The following NOVA1 variants were observed in gnomAD, a reference collection of about 807,000 sequenced individuals.
NOVA1 encodes the protein RNA-binding protein Nova-1.
Under a neutral mutation model 38.0 loss-of-function variants are expected in NOVA1, and 7 were observed. The observed-to-expected ratio is 0.18, with a 90% CI of 0.10 to 0.35. The LOEUF (loss-of-function observed/expected upper bound fraction) is 0.35. Ranked by LOEUF, NOVA1 falls within the 10% of genes least tolerant of loss-of-function variation. NOVA1 has a pLI of 1.00. For missense variants in NOVA1, 460 were observed against 616.0 expected, an observed-to-expected ratio of 0.75 and a Z score of 2.68; for synonymous variants, 270 against 232.5, an observed-to-expected ratio of 1.16 and a Z score of -1.47.
chr14:26,540,321 G>A (rs896429678), intron 2 of NOVA1, among the ~76,000 whole-genome samples: 8 of 152,226 alleles, frequency 5.3e-5, no homozygotes, highest in South Asian at 2.1e-4. Context: ...TCTAGGCTGC[G>A]TGCTTCCCAT....
intron 2 of NOVA1, among the ~76,000 whole-genome samples, chr14:26,530,053 G>A (rs1012647968): frequency 1.7e-4 from 26 of 152,096 alleles, no homozygotes; most frequent in Non-Finnish European, 2.9e-5. Flanking sequence ...CCGAGTAGCT[G>A]GGACTACAAG....
intron 2 of NOVA1, among the ~76,000 whole-genome samples, chr14:26,517,086 T>C (rs893005473): frequency 3.3e-5 from 5 of 152,068 alleles, no homozygotes. Flanking sequence ...TTTGTATTTT[T>C]AGTAGAGACG....
chr14:26,556,604 T>C (rs887195232), intron 2 of NOVA1, among the ~76,000 whole-genome samples: 5 of 152,164 alleles, frequency 3.3e-5, no homozygotes, highest in Non-Finnish European at 7.3e-5. Context: ...ATAATGATGT[T>C]TTAGATACAC....
In NOVA1 at chr14:26,524,163, C is replaced by A. The variant is rs796791485; in HGVS notation, c.281-44020G>T. 1.8e-4 allele frequency among the ~76,000 whole-genome samples: 27 copies of A among 152,228 alleles called. 1 individual carries two copies. Among genetic ancestry groups the A allele is most frequent in the African/African-American group, 6.5e-4 (27 of 41,528 alleles). ...CAACCCCTGTGTTTGAGTATGGATACAACTAATTACCCCAAAAATAACGAA... is the reference window on the plus strand; with the variant it reads ...CAACCCCTGTGTTTGAGTATGGATAAAACTAATTACCCCAAAAATAACGAA... On this transcript the variant is annotated intron_variant, in intron 2 of 4. Coordinates refer to ENST00000539517, the MANE Select transcript of NOVA1 (RefSeq NM_002515.3).
At chr14:26,479,742 C>T in intron 3 of NOVA1, 1 of 409,574 alleles carries the variant, frequency 2.4e-6, no homozygotes, top group Non-Finnish European at 4.3e-6. Flanking sequence ...CACTAAGAGT[C>T]ACATAAGTGC....
Position 26,447,758 on chromosome 14 carries a change from A to G in NOVA1, c.*201T>C. 1 of 596,928 alleles carries G rather than the reference A, an allele frequency of 1.7e-6. No individual in the cohort carries two copies. The highest frequency in any genetic ancestry group is 3.0e-6 in the Non-Finnish European group (1 of 336,068). 37.0% of individuals were successfully genotyped at this position (596,928 alleles called of 1,614,324 possible). ...ACACAAGCAAAGTATAGAGAACAAA[A>G]CAGATCAAGAAAAAATTCTTTCTAT... On this transcript the variant is annotated 3_prime_UTR_variant, in exon 5 of 5. Coordinates refer to ENST00000539517, the MANE Select transcript of NOVA1 (RefSeq NM_002515.3).
intron 2 of NOVA1, among the ~76,000 whole-genome samples, chr14:26,516,516 A>C (rs986558633): frequency 2.0e-5 from 3 of 152,248 alleles, no homozygotes; most frequent in Non-Finnish European, 4.4e-5. Context: ...TAGATCTGCA[A>C]TCCATCTGTG....
chr14:26,560,700 C>T (rs950818309), intron 2 of NOVA1, among the ~76,000 whole-genome samples: 2 of 152,078 alleles, frequency 1.3e-5, no homozygotes, highest in Non-Finnish European at 2.9e-5. Flanking sequence ...AACATATATA[C>T]ATACCATACA....
At chr14:26,481,751 T>C (rs1251345149) in intron 2 of NOVA1, among the ~76,000 whole-genome samples, 1 of 152,016 alleles carries the variant, frequency 6.6e-6, no homozygotes, top group Non-Finnish European at 1.5e-5. Context: ...ATACATATTG[T>C]GGTTCCTGCA....
chr14:26,519,334 G>GT (rs1888704058), intron 2 of NOVA1: 1 of 152,162 alleles, frequency 6.6e-6, no homozygotes, highest in African/African-American at 2.4e-5. Flanking sequence ...AATGGGAAAG[G>GT]TGAGTATGTA....
At chr14:26,489,240 T>C (rs953291784) in intron 2 of NOVA1, among the ~76,000 whole-genome samples, 3 of 152,152 alleles carry the variant, frequency 2.0e-5, no homozygotes, top group Non-Finnish European at 2.9e-5. Context: ...ATAGAGTTTA[T>C]AGAATGATCC....
chr14:26,484,428 G>GAAAA (rs869087238), intron 2 of NOVA1, among the ~76,000 whole-genome samples: 2 of 56,436 alleles, frequency 3.5e-5, no homozygotes, highest in Admixed American at 3.5e-4. Flanking sequence ...ACTCCGTCTC[G>GAAAA]AAAAAAAAAA....
intron 2 of NOVA1, among the ~76,000 whole-genome samples, chr14:26,483,866 G>T (rs1267569220): frequency 6.6e-6 from 1 of 152,046 alleles, no homozygotes; most frequent in African/African-American, 2.4e-5. Flanking sequence ...AATTTGGTTG[G>T]GTCCCAAATT....
chr14:26,574,285 CCT>C (rs1566550313), intron 2 of NOVA1, among the ~76,000 whole-genome samples: 1 of 121,458 alleles, frequency 8.2e-6, no homozygotes, highest in East Asian at 2.9e-4. Flanking sequence ...CCCCCCGCCC[CCT>C]CGGCCTCCCA....
At chr14:26,461,989 T>C (rs917449015) in intron 4 of NOVA1, among the ~76,000 whole-genome samples, 13 of 152,034 alleles carry the variant, frequency 8.6e-5, no homozygotes, top group African/African-American at 2.9e-4. Flanking sequence ...GTAATCTGCA[T>C]ATAAAAATCT....
At chr14:26,489,659 T>C (rs1886180527) in intron 2 of NOVA1, among the ~76,000 whole-genome samples, 1 of 151,940 alleles carries the variant, frequency 6.6e-6, no homozygotes, top group Admixed American at 6.6e-5. Flanking sequence ...GTCTACACAG[T>C]GAGAACTCCA....
intron 2 of NOVA1, among the ~76,000 whole-genome samples, chr14:26,551,289 A>G (rs1402872132): frequency 1.3e-5 from 2 of 152,018 alleles, no homozygotes; most frequent in African/African-American, 4.8e-5. Flanking sequence ...ACTTGAAGGG[A>G]TAGTCCAACT....
chr14:26,535,973 C>T (rs1334657962), intron 2 of NOVA1, among the ~76,000 whole-genome samples: 6 of 138,142 alleles, frequency 4.3e-5, no homozygotes, highest in Admixed American at 7.7e-5. Flanking sequence ...AGCGAGACTC[C>T]GTCTCAAAAA....
At chr14:26,569,161 C>A (rs559479883) in intron 2 of NOVA1, among the ~76,000 whole-genome samples, 1 of 152,162 alleles carries the variant, frequency 6.6e-6, no homozygotes, top group Admixed American at 6.5e-5. Context: ...AGAAACAACA[C>A]AGAGCAGAAC....
Sources: allele counts gnomAD v4.1 joint callset (sites outside exome capture counted in the v4.1 genomes callset), GRCh38; gene constraint gnomAD v4.1.1; transcripts MANE v1.5; gene names NCBI Gene and HGNC (gene_info 2026-07-23, HGNC 2026-07-21).